The following FGF13 variants were observed in gnomAD, a reference collection of about 807,000 sequenced individuals.
FGF13 encodes the protein fibroblast growth factor homologous factor 2.
Under a neutral mutation model 19.5 loss-of-function variants are expected in FGF13, and 2 were observed. The ratio of observed to expected loss-of-function variants is 0.10; its 90% CI spans 0.04 to 0.32. The LOEUF (loss-of-function observed/expected upper bound fraction) is 0.32, where lower values mean the gene tolerates loss of function less well. Ranked by LOEUF, FGF13 falls within the 10% of genes least tolerant of loss-of-function variation. The probability of loss-of-function intolerance (pLI) is 1.00; values close to 1 mark genes in which losing one functional copy is unlikely to be tolerated. For missense variants in FGF13, 113 were observed against 192.7 expected (o/e 0.59, Z 2.45); for synonymous variants, 72 against 76.9 (o/e 0.94, Z 0.33).
At chrX:138,772,026 A>G (rs1466913827) in intron 3 of FGF13, among the ~76,000 whole-genome samples, 1,273 of 63,840 alleles carry the variant, frequency 0.02, 34 homozygotes, top group African/African-American at 0.1. Context: ...GTGTATATAT[A>G]TATATATATA....
chrX:139,199,838 C>G (rs1245646766), intron 1 of FGF13, among the ~76,000 whole-genome samples: 2 of 112,292 alleles, frequency 1.8e-5, no homozygotes, highest in Non-Finnish European at 3.8e-5. Context: ...TTAGAGGAAG[C>G]AGTACTAAGC....
intron 1 of FGF13, among the ~76,000 whole-genome samples, chrX:139,163,092 C>T (rs1329863961): frequency 8.9e-6 from 1 of 111,923 alleles, no homozygotes; most frequent in Admixed American, 9.5e-5. Flanking sequence ...CACATGCACA[C>T]GTATGTTTAT....
At chrX:138,666,186 T>A (rs73241061) in intron 3 of FGF13, among the ~76,000 whole-genome samples, 8,255 of 111,264 alleles carry the variant, frequency 0.074, 298 homozygotes, top group Admixed American at 0.11. Context: ...AGACATGGAT[T>A]TTCTTCTTCC....
chrX:138,742,198 T>C (rs2090324066), upstream of FGF13, among the ~76,000 whole-genome samples: 1 of 112,262 alleles, frequency 8.9e-6, no homozygotes, highest in Non-Finnish European at 1.9e-5. Flanking sequence ...TTTACTGGAC[T>C]GTGAGTAGCT....
intron 1 of FGF13, among the ~76,000 whole-genome samples, chrX:139,079,500 C>T (rs1925671547): frequency 9.0e-6 from 1 of 111,457 alleles, no homozygotes; most frequent in Admixed American, 9.6e-5. Flanking sequence ...GTCTCTGGAA[C>T]AGCTTTGCAG....
At chrX:139,007,181 A>C (rs1214643760) in intron 1 of FGF13, among the ~76,000 whole-genome samples, 1 of 112,350 alleles carries the variant, frequency 8.9e-6, no homozygotes, top group African/African-American at 3.2e-5. Context: ...GAAACCAAAA[A>C]AAGAGCAGTA....
At chrX:139,041,846 C>T (rs1013417831) in intron 1 of FGF13, among the ~76,000 whole-genome samples, 2 of 111,959 alleles carry the variant, frequency 1.8e-5, no homozygotes, top group Non-Finnish European at 3.8e-5. Context: ...GGTGGAAGAA[C>T]AATATGGAAA....
intron 1 of FGF13, among the ~76,000 whole-genome samples, chrX:139,141,176 G>A (rs1421566728): frequency 9.1e-6 from 1 of 109,373 alleles, no homozygotes. Context: ...GACCTTTGCT[G>A]CTTTCATAGC....
intron 1 of FGF13, among the ~76,000 whole-genome samples, chrX:138,919,188 C>G (rs974205210): frequency 9.0e-6 from 1 of 111,342 alleles, no homozygotes; most frequent in Non-Finnish European, 1.9e-5. Context: ...AGGTCACAGA[C>G]AGGACAACAT....
intron 1 of FGF13, among the ~76,000 whole-genome samples, chrX:139,085,795 T>C (rs757762081): frequency 8.9e-6 from 1 of 112,371 alleles, no homozygotes; most frequent in South Asian, 3.7e-4. Context: ...GCAATTAAAA[T>C]GATGCTCTGA....
chrX:138,879,762 T>C (rs1171044854), intron 1 of FGF13, among the ~76,000 whole-genome samples: 5 of 108,423 alleles, frequency 4.6e-5, no homozygotes, highest in Non-Finnish European at 9.5e-5. Context: ...ATTCAGCACA[T>C]AGGCATGGGC....
intron 1 of FGF13, among the ~76,000 whole-genome samples, chrX:138,988,881 T>C (rs2092003833): frequency 8.9e-6 from 1 of 112,005 alleles, no homozygotes; most frequent in Non-Finnish European, 1.9e-5. Context: ...CTTAATAAAT[T>C]TTTATACTTC....
chrX:139,004,679 T>A (rs2092093008), intron 1 of FGF13, among the ~76,000 whole-genome samples: 1 of 112,160 alleles, frequency 8.9e-6, no homozygotes, highest in South Asian at 3.8e-4. Flanking sequence ...TTTCTGGATG[T>A]GCCCTGGGCC....
intron 1 of FGF13, among the ~76,000 whole-genome samples, chrX:139,104,839 T>C (rs1281810276): frequency 9.0e-6 from 1 of 110,726 alleles, no homozygotes; most frequent in African/African-American, 3.3e-5. Flanking sequence ...ACCTCCCAAA[T>C]GCCTCACTTC....
intron 1 of FGF13, among the ~76,000 whole-genome samples, chrX:138,914,938 T>C (rs1227710773): frequency 4.5e-5 from 5 of 111,453 alleles, no homozygotes; most frequent in Non-Finnish European, 7.5e-5. Flanking sequence ...TTTATGGCAA[T>C]TATTTGCAAT....
intron 1 of FGF13, among the ~76,000 whole-genome samples, chrX:139,182,410 A>G (rs932299623): frequency 8.9e-6 from 1 of 112,426 alleles, no homozygotes; most frequent in Non-Finnish European, 1.9e-5. Flanking sequence ...CAATAGGACC[A>G]TCAGTCTTTT....
At chrX:139,082,293 C>T (rs1049955000) in intron 1 of FGF13, among the ~76,000 whole-genome samples, 10 of 111,614 alleles carry the variant, frequency 9.0e-5, no homozygotes, top group Non-Finnish European at 1.7e-4. Flanking sequence ...TCAGAAAGGC[C>T]TTTCCTAACC....
rs1041696180 is a variant in FGF13 at position 139,000,420 on chromosome X, T to G, written c.-112-135770A>C. 2.7e-5 allele frequency among the ~76,000 whole-genome samples: 3 copies of G among 112,139 alleles called. No individual in the cohort carries two copies. The South Asian group carries it at 1.1e-3, about 42-fold the overall frequency. The stretch of plus-strand genomic sequence containing the variant: ...TGTTTCTGTTTGCAGATGGTATGAT[T>G]GTATATTTAGATAACCTCATCATTT... On this transcript the variant is annotated intron_variant, in intron 1 of 2. Transcript: ENST00000421460.
At chrX:139,158,307 G>T (rs893994938) in intron 1 of FGF13, among the ~76,000 whole-genome samples, 1 of 110,754 alleles carries the variant, frequency 9.0e-6, no homozygotes, top group Non-Finnish European at 1.9e-5. Context: ...GAGCCAAGTG[G>T]TCTAGCTCAG....
Sources: gnomAD v4.1 joint callset for allele counts (sites outside exome capture counted in the v4.1 genomes callset) on GRCh38, gnomAD v4.1.1 for gene constraint, MANE v1.5 for transcripts, NCBI Gene and HGNC (gene_info 2026-07-23, HGNC 2026-07-21) for gene names.